PRIM2: variants seen among roughly 807,000 people sequenced by gnomAD.
The protein encoded by PRIM2 is DNA primase large subunit.
Under a neutral mutation model 67.3 loss-of-function variants are expected in PRIM2, and 39 were observed. The ratio of observed to expected loss-of-function variants is 0.58; its 90% CI spans 0.45 to 0.76. The LOEUF (loss-of-function observed/expected upper bound fraction) is 0.76. Among genes scored for constraint, PRIM2 ranks in the 30% least tolerant of loss-of-function variants. The pLI, the probability that PRIM2 is intolerant of heterozygous loss-of-function variation, is 0.00. For synonymous variants in PRIM2, 143 were observed against 198.7 expected, an observed-to-expected ratio of 0.72 and a Z score of 2.36; for missense variants, 398 against 598.7, an observed-to-expected ratio of 0.66 and a Z score of 3.50.
rs1263048709 is a variant in PRIM2 at position 57,559,524 on chromosome 6, A to C, written c.1020+21899A>C. ...ATAAACATCTTTCCTCATTTTCAGC[A>C]AAGATAAATTTACTTGCTGATTTAA... On this transcript the variant is annotated intron_variant, in intron 10 of 13. Coordinates refer to ENST00000615550, the MANE Select transcript of PRIM2 (RefSeq NM_000947.5). 1.1e-4 allele frequency among the ~76,000 whole-genome samples: 17 copies of C among 152,330 alleles called. No individual in the cohort carries two copies. The East Asian group carries it at 2.7e-3, about 24-fold the overall frequency.
At chr6:57,271,708 A>G in the PRIM2 span, among the ~76,000 whole-genome samples, 1 of 151,812 alleles carries the variant, frequency 6.6e-6, no homozygotes, top group Admixed American at 6.6e-5. Context: ...TAGTTCTTTT[A>G]ATTGTGATGT....
chr6:57,231,184 C>G, the PRIM2 span, among the ~76,000 whole-genome samples: 3 of 152,194 alleles, frequency 2.0e-5, no homozygotes, highest in Non-Finnish European at 2.9e-5. Flanking sequence ...GAAACATTGT[C>G]TTTTCCATCC....
At chr6:57,273,032 C>T in the PRIM2 span, among the ~76,000 whole-genome samples, 26 of 152,146 alleles carry the variant, frequency 1.7e-4, no homozygotes, top group Non-Finnish European at 3.2e-4. Flanking sequence ...GTGGGTAACC[C>T]GACCTTTCTC....
intron 3 of PRIM2, among the ~76,000 whole-genome samples, chr6:57,322,991 A>G (rs1202100654): frequency 6.6e-6 from 1 of 152,166 alleles, no homozygotes; most frequent in Non-Finnish European, 1.5e-5. Flanking sequence ...ACTCTGGACA[A>G]GCTTTGTGAC....
At chr6:57,394,277 T>G (rs1256380231) in intron 7 of PRIM2, among the ~76,000 whole-genome samples, 3 of 152,222 alleles carry the variant, frequency 2.0e-5, no homozygotes, top group Admixed American at 1.3e-4. Context: ...ACAATATTGA[T>G]TTTTCTCCTG....
At chr6:57,599,922 A>T (rs1277797536) in intron 10 of PRIM2, among the ~76,000 whole-genome samples, 1 of 152,230 alleles carries the variant, frequency 6.6e-6, no homozygotes, top group Non-Finnish European at 1.5e-5. Context: ...TGAGTAGCTG[A>T]GATGACAGGT....
chr6:57,532,613 C>A, intron 9 of PRIM2, 130 bp downstream of exon 9: 1 of 408,120 alleles, frequency 2.5e-6, no homozygotes, highest in South Asian at 1.1e-4. Flanking sequence ...TAAAGAAAAT[C>A]CCATGTCCCA....
the PRIM2 span, among the ~76,000 whole-genome samples, chr6:57,234,837 T>G: frequency 3.3e-5 from 5 of 152,234 alleles, no homozygotes; most frequent in Admixed American, 6.5e-5. Flanking sequence ...TGTGTTTTAT[T>G]AATTTTTTGG....
At chr6:57,468,546 A>G (rs1225685918) in intron 7 of PRIM2, among the ~76,000 whole-genome samples, 6 of 152,026 alleles carry the variant, frequency 3.9e-5, no homozygotes, top group Non-Finnish European at 5.9e-5. Context: ...TTTTATTGAA[A>G]ATTTTTGCAT....
chr6:57,491,305 C>T (rs1554345944), intron 7 of PRIM2, among the ~76,000 whole-genome samples: 36 of 152,128 alleles, frequency 2.4e-4, no homozygotes, highest in East Asian at 9.6e-4. Context: ...ACCTATATAA[C>T]GTATAATTCA....
intron 5 of PRIM2, among the ~76,000 whole-genome samples, chr6:57,368,150 C>A (rs1361211017): frequency 2.6e-5 from 4 of 151,918 alleles, no homozygotes; most frequent in Admixed American, 2.6e-4. Context: ...GTTTTAATTT[C>A]TTTATAAATG....
chr6:57,327,004 A>G (rs890191269), intron 5 of PRIM2, among the ~76,000 whole-genome samples: 2 of 150,556 alleles, frequency 1.3e-5, no homozygotes, highest in Admixed American at 6.6e-5. Flanking sequence ...TCTGGGTTCA[A>G]GCGATTCTCC....
the PRIM2 span, among the ~76,000 whole-genome samples, chr6:57,263,684 C>T: frequency 3.9e-5 from 6 of 152,188 alleles, no homozygotes; most frequent in African/African-American, 2.4e-5. Flanking sequence ...CCACCCACAA[C>T]ACCCTGCAAT....
chr6:57,642,435 CT>C (rs1156576933), intron 13 of PRIM2, among the ~76,000 whole-genome samples: 371 of 83,144 alleles, frequency 4.5e-3, no homozygotes, highest in African/African-American at 7.7e-3. Flanking sequence ...AATATTATAT[CT>C]TTTTTTTTTT....
chr6:57,373,794 C>T (rs1286426599), intron 5 of PRIM2, among the ~76,000 whole-genome samples: 3 of 152,038 alleles, frequency 2.0e-5, no homozygotes, highest in Non-Finnish European at 4.4e-5. Context: ...TAATCTGTTC[C>T]ATTGGTCTAT....
At chr6:57,425,477 A>G (rs1183004314) in intron 7 of PRIM2, among the ~76,000 whole-genome samples, 3 of 152,210 alleles carry the variant, frequency 2.0e-5, no homozygotes, top group African/African-American at 7.2e-5. Flanking sequence ...GGCCTCCTAA[A>G]GTGCTGGGAT....
chr6:57,348,564 G>T (rs566514786), intron 5 of PRIM2, among the ~76,000 whole-genome samples: 1 of 152,002 alleles, frequency 6.6e-6, no homozygotes, highest in South Asian at 2.1e-4. Context: ...AGTAGTTCTG[G>T]ACTATAGGGG....
At chr6:57,578,222 T>G (rs1307384036) in intron 10 of PRIM2, among the ~76,000 whole-genome samples, 2 of 152,250 alleles carry the variant, frequency 1.3e-5, no homozygotes, top group African/African-American at 4.8e-5. Flanking sequence ...AACTTATTGC[T>G]GGTGATATTA....
At chr6:57,612,793 C>CTTTTTTTTTTTTTTTTT (rs1286246615) in intron 12 of PRIM2, among the ~76,000 whole-genome samples, 1 of 131,142 alleles carries the variant, frequency 7.6e-6, no homozygotes, top group Admixed American at 7.9e-5. Context: ...TTCTTTTCGC[C>CTTTTTTTTTTTTTTTTT]TTTTTTTTTT....
Sources: gnomAD v4.1 joint callset for allele counts (sites outside exome capture counted in the v4.1 genomes callset) on GRCh38, gnomAD v4.1.1 for gene constraint, MANE v1.5 for transcripts, NCBI Gene and HGNC (gene_info 2026-07-23, HGNC 2026-07-21) for gene names.